The following PRKN variants were observed in gnomAD, a reference collection of about 807,000 sequenced individuals.
PRKN encodes the protein E3 ubiquitin-protein ligase parkin.
In PRKN, 56 loss-of-function variants were observed where a neutral mutation model predicts 59.5. The observed-to-expected ratio is 0.94, with a 90% confidence interval of 0.76 to 1.18. The LOEUF is 1.18. PRKN is among the 50% of genes most tolerant of loss of function. PRKN has a pLI of 0.00. For missense variants in PRKN, 657 were observed against 596.4 expected (o/e 1.10, Z -1.06); for synonymous variants, 250 against 222.1 (o/e 1.13, Z -1.12).
intron 4 of PRKN, among the ~76,000 whole-genome samples, chr6:162,117,024 T>C (rs1780703706): frequency 6.6e-6 from 1 of 152,194 alleles, no homozygotes; most frequent in African/African-American, 2.4e-5. Flanking sequence ...GTGAAGTATG[T>C]TTTATCAAAC....
intron 5 of PRKN, among the ~76,000 whole-genome samples, chr6:162,030,873 A>G (rs1411784873): frequency 1.3e-5 from 2 of 152,210 alleles, no homozygotes; most frequent in African/African-American, 4.8e-5. Flanking sequence ...AGTGCAGTCT[A>G]TGAATACTGT....
At chr6:162,319,620 A>T (rs1782901624) in intron 2 of PRKN, among the ~76,000 whole-genome samples, 1 of 151,954 alleles carries the variant, frequency 6.6e-6, no homozygotes, top group Non-Finnish European at 1.5e-5. Flanking sequence ...AATTGTCCTA[A>T]CAAACCAATA....
At chr6:162,001,042 T>C (rs183442072) in intron 5 of PRKN, among the ~76,000 whole-genome samples, 2 of 152,194 alleles carry the variant, frequency 1.3e-5, no homozygotes, top group Admixed American at 1.3e-4. Context: ...TTGATTACTG[T>C]AGTTTTGTAT....
At chr6:162,356,586 T>G (rs776939778) in intron 2 of PRKN, among the ~76,000 whole-genome samples, 1 of 151,548 alleles carries the variant, frequency 6.6e-6, no homozygotes, top group Non-Finnish European at 1.5e-5. Context: ...TAAAATCACA[T>G]AAAGTTATTT....
intron 2 of PRKN, among the ~76,000 whole-genome samples, chr6:162,382,136 CAG>C (rs1419528207): frequency 2.0e-5 from 3 of 152,132 alleles, no homozygotes; most frequent in African/African-American, 4.8e-5. Context: ...CTCCCCCACT[CAG>C]AGTCATAAAT....
intron 4 of PRKN, among the ~76,000 whole-genome samples, chr6:162,192,498 G>T (rs1784324867): frequency 7.4e-6 from 1 of 135,450 alleles, no homozygotes; most frequent in African/African-American, 2.9e-5. Context: ...TGTCACTCAG[G>T]CTGGAATGTG....
At chr6:162,280,010 A>G (rs776242973) in intron 2 of PRKN, among the ~76,000 whole-genome samples, 1 of 150,780 alleles carries the variant, frequency 6.6e-6, no homozygotes, top group Non-Finnish European at 1.5e-5. Context: ...TTTTTTTTGC[A>G]TTCCATTTGC....
intron 7 of PRKN, among the ~76,000 whole-genome samples, chr6:161,664,261 C>T (rs62436835): frequency 0.1 from 15,452 of 152,102 alleles, 1,286 homozygotes; most frequent in African/African-American, 0.22. Flanking sequence ...CTCCCTCTCA[C>T]GGTTTAAATG....
intron 4 of PRKN, among the ~76,000 whole-genome samples, chr6:162,127,731 C>T (rs541122846): frequency 6.6e-6 from 1 of 152,212 alleles, no homozygotes; most frequent in Non-Finnish European, 1.5e-5. Context: ...AAATACTTCA[C>T]TACATAAAAA....
chr6:161,593,939 C>G lies in PRKN; in HGVS notation c.872-24523G>C. ...GGCTGAGGTGGGCAGATCACGAGGT[C>G]AGGAGTTTGAGACCAGCCTGGCCAA... is the stretch of plus-strand genomic sequence containing the variant. On this transcript the variant is annotated intron_variant, in intron 7 of 11. Coordinates refer to ENST00000366898, the MANE Select transcript of PRKN (RefSeq NM_004562.3). The surrounding 1 kb of genome is among the most constrained non-coding windows in gnomAD (Gnocchi z 4.8). 6.6e-6 allele frequency among the ~76,000 whole-genome samples: 1 copy of G among 151,146 alleles called. No homozygotes were observed. The highest frequency in any genetic ancestry group is 1.5e-5 in the Non-Finnish European group (1 of 67,878).
At chr6:161,706,680 C>A (rs1481713760) in intron 7 of PRKN, among the ~76,000 whole-genome samples, 1 of 152,110 alleles carries the variant, frequency 6.6e-6, no homozygotes, top group Non-Finnish European at 1.5e-5. Context: ...GTCTCAGCCT[C>A]CTGAGGAGCT....
chr6:162,113,649 A>T (rs986882877), intron 4 of PRKN, among the ~76,000 whole-genome samples: 1 of 152,152 alleles, frequency 6.6e-6, no homozygotes, highest in Non-Finnish European at 1.5e-5. Context: ...TTTTGCTTAA[A>T]ATTTTGGACT....
chr6:161,969,416 T>A (rs1265981271), intron 6 of PRKN, among the ~76,000 whole-genome samples: 1 of 152,052 alleles, frequency 6.6e-6, no homozygotes, highest in Non-Finnish European at 1.5e-5. Context: ...CTTGGGAAGT[T>A]CATGCTGTTT....
chr6:162,060,061 C>T (rs556570209), intron 4 of PRKN, among the ~76,000 whole-genome samples: 14 of 152,306 alleles, frequency 9.2e-5, no homozygotes, highest in African/African-American at 2.4e-4. Flanking sequence ...CAGCCTATCA[C>T]GTTTACTGTC....
intron 10 of PRKN, among the ~76,000 whole-genome samples, chr6:161,380,011 C>T (rs75786741): frequency 0.016 from 2,459 of 152,316 alleles, 29 homozygotes; most frequent in Non-Finnish European, 0.026. Context: ...CAAGCTCCTG[C>T]CTGTGGCTGA....
At chr6:161,570,842 T>C (rs934622009) in intron 7 of PRKN, among the ~76,000 whole-genome samples, 1 of 152,214 alleles carries the variant, frequency 6.6e-6, no homozygotes, top group Admixed American at 6.5e-5. Flanking sequence ...AATGTATAGA[T>C]ATGTAAAATT....
intron 4 of PRKN, among the ~76,000 whole-genome samples, chr6:162,058,038 G>A (rs1562488148): frequency 6.6e-6 from 1 of 152,138 alleles, no homozygotes; most frequent in East Asian, 1.9e-4. Context: ...TTGTTTTAAT[G>A]TCTGTTTCTC....
At chr6:161,589,650 T>C (rs1218939794) in intron 7 of PRKN, among the ~76,000 whole-genome samples, 2 of 151,900 alleles carry the variant, frequency 1.3e-5, no homozygotes, top group Non-Finnish European at 2.9e-5. Context: ...GCTTCTTTCA[T>C]GGAATTGCAT....
At chr6:161,733,783 A>AATATATATATATATATATATATAT (rs1554298473) in intron 7 of PRKN, among the ~76,000 whole-genome samples, 1 of 86,226 alleles carries the variant, frequency 1.2e-5, no homozygotes, top group Non-Finnish European at 1.9e-5. Flanking sequence ...AAAAAAAAAA[A>AATATATATATATATATATATATAT]ATATATATAT....
Sources: allele counts gnomAD v4.1 joint callset (sites outside exome capture counted in the v4.1 genomes callset), GRCh38; gene constraint gnomAD v4.1.1; non-coding constraint Gnocchi (gnomAD v3.1); transcripts MANE v1.5; gene names NCBI Gene and HGNC (gene_info 2026-07-23, HGNC 2026-07-21).